Variants in CDK17 observed in about 807,000 individuals in gnomAD.
The protein encoded by CDK17 is cyclin dependent kinase 17.
In CDK17, 24 loss-of-function variants were observed where a neutral mutation model predicts 77.6. The observed-to-expected ratio is 0.31, with a 90% CI of 0.22 to 0.44. The LOEUF (loss-of-function observed/expected upper bound fraction) is 0.44. CDK17 is among the 20% of genes least tolerant of loss of function. The pLI is 1.00. For missense variants in CDK17, 429 were observed against 622.5 expected (o/e 0.69, Z 3.31); for synonymous variants, 203 against 210.4 (o/e 0.96, Z 0.30).
chr12:96,365,288 TAC>T (rs1472738368), intron 1 of CDK17, among the ~76,000 whole-genome samples: 5 of 152,216 alleles, frequency 3.3e-5, no homozygotes, highest in African/African-American at 1.2e-4. Context: ...TTATGGAGTT[TAC>T]AGAGTCTTTA....
intron 1 of CDK17, among the ~76,000 whole-genome samples, chr12:96,380,166 C>T (rs2137225256): frequency 1.3e-5 from 1 of 79,200 alleles, no homozygotes; most frequent in South Asian, 4.8e-4. Flanking sequence ...CAGACTCTGT[C>T]CCCCGACCAA....
At chr12:96,386,936 G>T (rs946823088) in intron 1 of CDK17, 9 of 251,580 alleles carry the variant, frequency 3.6e-5, no homozygotes, top group African/African-American at 2.1e-4. Context: ...CCTTTTCTTA[G>T]GTTTTTACTT....
At chr12:96,294,021 TTGTC>T (rs1398654707) in intron 10 of CDK17, among the ~76,000 whole-genome samples, 6 of 152,164 alleles carry the variant, frequency 3.9e-5, no homozygotes, top group Non-Finnish European at 8.8e-5. Context: ...TAACCACAGT[TTGTC>T]TGTCAGTCAT....
intron 3 of CDK17, among the ~76,000 whole-genome samples, chr12:96,321,783 G>A (rs1322179178): frequency 9.0e-6 from 1 of 111,128 alleles, no homozygotes; most frequent in African/African-American, 3.5e-5. Context: ...CACATGAAGG[G>A]GAATATCACA....
intron 1 of CDK17, among the ~76,000 whole-genome samples, chr12:96,394,202 C>T (rs1481893867): frequency 6.6e-6 from 1 of 151,542 alleles, no homozygotes; most frequent in African/African-American, 2.4e-5. Flanking sequence ...GCCAAGATCA[C>T]GCCACTGCAC....
At chr12:96,378,928 A>T (rs1373752288) in intron 1 of CDK17, among the ~76,000 whole-genome samples, 1 of 152,234 alleles carries the variant, frequency 6.6e-6, no homozygotes, top group East Asian at 1.9e-4. Context: ...GCAAAGGAAG[A>T]AATAAGACTT....
intron 2 of CDK17, among the ~76,000 whole-genome samples, chr12:96,329,456 CTTAT>C (rs894943314): frequency 6.6e-5 from 10 of 152,118 alleles, no homozygotes; most frequent in Non-Finnish European, 1.2e-4. Context: ...TATTTGGCAT[CTTAT>C]TTATCTAGAT....
chr12:96,294,584 C>CAAAAAAAAAA (rs11313631), intron 10 of CDK17, among the ~76,000 whole-genome samples: 41 of 54,342 alleles, frequency 7.5e-4, no homozygotes, highest in South Asian at 4.6e-3. Flanking sequence ...ATGCTGTCTT[C>CAAAAAAAAAA]AAAAAAAAAA....
intron 3 of CDK17, among the ~76,000 whole-genome samples, chr12:96,319,631 A>G (rs1952787495): frequency 1.4e-5 from 2 of 142,886 alleles, no homozygotes; most frequent in African/African-American, 5.3e-5. Context: ...CCTGGGATGC[A>G]AGGCTGGTTC....
rs375978419 is a variant in CDK17, at chr12:96,317,423, G to T, written c.284-3969C>A. ...CCCCAATCTAGCAAGGCAGGCCAACGTTCAGATTCAGGAAATACAGAGAAT... is the reference window on the plus strand; with the variant it reads ...CCCCAATCTAGCAAGGCAGGCCAACTTTCAGATTCAGGAAATACAGAGAAT... On this transcript the variant is annotated intron_variant, in intron 3 of 16. Coordinates refer to ENST00000261211, the MANE Select transcript of CDK17 (RefSeq NM_002595.5). Among the ~76,000 whole-genome samples, 6 of 112,088 alleles carry T rather than the reference G, an allele frequency of 5.4e-5. No individual in the cohort carries two copies. The South Asian group carries it at 2.5e-3, about 47-fold the overall frequency. The allele number at this position is 112,088 out of a possible 152,430, so 73.5% of individuals were successfully genotyped here.
intron 6 of CDK17, among the ~76,000 whole-genome samples, chr12:96,299,917 C>T (rs774623844): frequency 6.6e-6 from 1 of 152,104 alleles, no homozygotes; most frequent in Non-Finnish European, 1.5e-5. Context: ...TAAGAATTTC[C>T]GTAACCTTCA....
chr12:96,290,156 G>T (rs1007284061), intron 10 of CDK17, among the ~76,000 whole-genome samples: 1 of 152,190 alleles, frequency 6.6e-6, no homozygotes, highest in African/African-American at 2.4e-5. Context: ...TGCTGTAAGT[G>T]ATATAAAACA....
chr12:96,343,099 A>G (rs955628941), intron 1 of CDK17, among the ~76,000 whole-genome samples: 39 of 152,258 alleles, frequency 2.6e-4, no homozygotes, highest in African/African-American at 7.5e-4. Flanking sequence ...ATACCATAAG[A>G]AAGACAATAT....
chr12:96,394,880 T>TA (rs1233621722), intron 1 of CDK17, among the ~76,000 whole-genome samples: 3 of 27,836 alleles, frequency 1.1e-4, no homozygotes, highest in African/African-American at 1.5e-4. Flanking sequence ...AAAAAATCTA[T>TA]AATTTTTTTC....
rs1009354576 is a variant in CDK17, at chr12:96,379,026, G to A, written c.-30+20960C>T. 2.0e-5 allele frequency among the ~76,000 whole-genome samples: 3 copies of A among 152,074 alleles called. 1 individual carries two copies. In the East Asian group the frequency reaches 5.8e-4, roughly 29 times the overall value. On this transcript the variant is annotated intron_variant, in intron 1 of 16. Coordinates refer to ENST00000261211, the MANE Select transcript of CDK17 (RefSeq NM_002595.5). ...AAGAACTTAAAATGGTTATAATAGT[G>A]GAAGAATCTGAAGGTTCAAATACTA... is the stretch of plus-strand genomic sequence containing the variant.
chr12:96,301,298 G>C (rs1404811176), intron 5 of CDK17, among the ~76,000 whole-genome samples: 1 of 143,910 alleles, frequency 6.9e-6, no homozygotes, highest in Non-Finnish European at 1.5e-5. Flanking sequence ...TGCTTTAAAA[G>C]TGAGTTCTTA....
At chr12:96,336,902 T>A (rs1032072606) in intron 1 of CDK17, among the ~76,000 whole-genome samples, 1 of 152,212 alleles carries the variant, frequency 6.6e-6, no homozygotes, top group African/African-American at 2.4e-5. Context: ...AACTCCAAAG[T>A]CTGAACAATC....
chr12:96,297,588 A>G lies in CDK17; in HGVS notation c.810+39T>C, dbSNP rs767845375. Reference sequence around the variant, plus strand: ...AAAGTCCAATTTACTATGTTTTTCTAAAGTAAAGTTAAATACTGAATTTTT... The same window carrying G: ...AAAGTCCAATTTACTATGTTTTTCTGAAGTAAAGTTAAATACTGAATTTTT... On this transcript the variant is annotated intron_variant, in intron 8 of 16. Transcript: ENST00000261211. 4 of 1,284,034 alleles carry G rather than the reference A, an allele frequency of 3.1e-6. No individual in the cohort carries two copies. In the East Asian group the frequency reaches 6.9e-5, roughly 22 times the overall value. The allele number at this position is 1,284,034 out of a possible 1,614,324, so 79.5% of individuals were successfully genotyped here.
At chr12:96,340,095 G>A (rs964540202) in intron 1 of CDK17, among the ~76,000 whole-genome samples, 59 of 151,768 alleles carry the variant, frequency 3.9e-4, no homozygotes, top group Admixed American at 3.7e-3. Flanking sequence ...GGACAATGCT[G>A]ACATAGAGCA....
Sources: gnomAD v4.1 joint callset for allele counts (sites outside exome capture counted in the v4.1 genomes callset) on GRCh38, gnomAD v4.1.1 for gene constraint, MANE v1.5 for transcripts, NCBI Gene and HGNC (gene_info 2026-07-23, HGNC 2026-07-21) for gene names.